Variants in BANP observed in about 807,000 individuals in gnomAD.
The protein encoded by BANP is BTG3 associated nuclear protein, also known as protein BANP.
A neutral mutation model predicts 68.1 loss-of-function variants in BANP; 11 were observed. The observed-to-expected ratio is 0.16, with a 90% CI of 0.10 to 0.27. The LOEUF (loss-of-function observed/expected upper bound fraction) is 0.27, where lower values mean the gene tolerates loss of function less well. BANP is among the 10% of genes least tolerant of loss of function. The pLI is 1.00. For missense variants in BANP, 504 were observed against 722.7 expected, an observed-to-expected ratio of 0.70 and a Z score of 3.47; for synonymous variants, 329 against 303.2, an observed-to-expected ratio of 1.09 and a Z score of -0.88.
Position 88,017,189 on chromosome 16 carries a change from G to C in BANP, c.656-1239G>C, listed in dbSNP as rs546547258. The C allele has an allele frequency of 1.6e-4, 24 of 152,372 alleles. 1 individual carries two copies. The East Asian group carries it at 4.6e-3, about 29-fold the overall frequency. The allele number at this position is 152,372 out of a possible 1,614,324, so 9.4% of individuals were successfully genotyped here. ...TAAAGCTCACAGACGTTCTGAGGCA[G>C]CGATGCCCAGGGTGGCATGACTGTA... is the stretch of plus-strand genomic sequence containing the variant. On this transcript the variant is annotated intron_variant, in intron 6 of 13. Coordinates refer to ENST00000682872, the MANE Select transcript of BANP (RefSeq NM_001386991.1).
chr16:87,983,026 C>G (rs11639873), intron 3 of BANP, among the ~76,000 whole-genome samples: 1 of 151,534 alleles, frequency 6.6e-6, no homozygotes, highest in African/African-American at 2.4e-5. Context: ...CTCCACGGCC[C>G]GCTCTCAGTG....
intron 2 of BANP, 41 bp downstream of exon 2, chr16:87,975,226 TA>T (rs1280025337): frequency 6.2e-7 from 1 of 1,603,532 alleles, no homozygotes; most frequent in Non-Finnish European, 8.5e-7. Context: ...TTATTCTCTT[TA>T]TTCTTCAAAA....
intron 6 of BANP, among the ~76,000 whole-genome samples, chr16:88,015,228 C>G (rs889185149): frequency 2.7e-5 from 4 of 149,198 alleles, no homozygotes; most frequent in African/African-American, 1.0e-4. Context: ...GTGCCCTCTG[C>G]CTGTGCCCCT....
At chr16:88,026,709 AG>A (rs753054841) in intron 7 of BANP, among the ~76,000 whole-genome samples, 29 of 150,286 alleles carry the variant, frequency 1.9e-4, no homozygotes, top group Non-Finnish European at 4.3e-4. Flanking sequence ...TGTGTTTATG[AG>A]GGGGACAGAG....
At chr16:88,053,630 T>C (rs1282582827) in intron 11 of BANP, among the ~76,000 whole-genome samples, 4 of 127,176 alleles carry the variant, frequency 3.1e-5, no homozygotes, top group Admixed American at 7.7e-5. Context: ...CCCACCTCCT[T>C]CACTATCATC....
At chr16:88,061,746 A>C (rs1427646245) in intron 11 of BANP, among the ~76,000 whole-genome samples, 4 of 151,272 alleles carry the variant, frequency 2.6e-5, no homozygotes, top group Non-Finnish European at 5.9e-5. Flanking sequence ...GCTCACCGCA[A>C]CCTCTGCCTC....
rs568871705 is a variant in BANP at position 87,983,300 on chromosome 16, G to A, written c.163-760G>A. On this transcript the variant is annotated intron_variant, in intron 3 of 13. Transcript: ENST00000682872. Reference sequence around the variant, plus strand: ...TTCTGTCTGCTGGTGAGACCTGGTGGAGGGTGTCTCTTTTGCACAGTGCAA... The same window carrying A: ...TTCTGTCTGCTGGTGAGACCTGGTGAAGGGTGTCTCTTTTGCACAGTGCAA... 3.9e-5 allele frequency among the ~76,000 whole-genome samples: 6 copies of A among 152,310 alleles called. No homozygotes were observed. In the East Asian group the frequency reaches 1.2e-3, roughly 29 times the overall value.
chr16:88,054,192 A>G lies in BANP; in HGVS notation c.1312-11075A>G, dbSNP rs560640395. On this transcript the variant is annotated intron_variant, in intron 11 of 13. Transcript: ENST00000682872. ...CCATCATCATCATCATCACCAACACAACCACCCTAACGACTACCACCCCCA... is the reference window on the plus strand; with the variant it reads ...CCATCATCATCATCATCACCAACACGACCACCCTAACGACTACCACCCCCA... 3.4e-3 allele frequency among the ~76,000 whole-genome samples: 248 copies of G among 73,634 alleles called. 5 individuals carry two copies. The highest frequency in any genetic ancestry group is 0.012 in the African/African-American group (236 of 20,118). 48.3% of individuals were successfully genotyped at this position (73,634 alleles called of 152,430 possible). A position where few individuals can be genotyped will look rare whatever the true frequency, so the allele number is the denominator to read the frequency against.
At chr16:88,075,066 C>A (rs1300427907) in intron 13 of BANP, among the ~76,000 whole-genome samples, 2 of 152,110 alleles carry the variant, frequency 1.3e-5, no homozygotes, top group Non-Finnish European at 2.9e-5. Context: ...TTAGCTGGGG[C>A]CGGGCACGGT....
At chr16:87,960,234 A>T (rs2058891830) in intron 1 of BANP, among the ~76,000 whole-genome samples, 1 of 152,202 alleles carries the variant, frequency 6.6e-6, no homozygotes, top group Non-Finnish European at 1.5e-5. Flanking sequence ...GTGCCCACGC[A>T]GTCAGGAGCT....
intron 2 of BANP, among the ~76,000 whole-genome samples, chr16:87,976,473 A>AGTTTTTTT (rs990701049): frequency 8.5e-4 from 25 of 29,430 alleles, no homozygotes; most frequent in Non-Finnish European, 1.2e-3. Context: ...TGTTTTAAAA[A>AGTTTTTTT]GTTTTTTTTT....
chr16:87,987,243 T>TA (rs1296092471), intron 4 of BANP, among the ~76,000 whole-genome samples: 1 of 152,124 alleles, frequency 6.6e-6, no homozygotes, highest in African/African-American at 2.4e-5. Flanking sequence ...GCCGCCTAGC[T>TA]AATTTTTGTA....
At chr16:87,992,213 C>A (rs1285032519) in intron 4 of BANP, among the ~76,000 whole-genome samples, 1 of 152,076 alleles carries the variant, frequency 6.6e-6, no homozygotes, top group East Asian at 1.9e-4. Flanking sequence ...ATAAACCTGA[C>A]TTCATCTACA....
chr16:88,017,015 T>C (rs1218859258), intron 6 of BANP, among the ~76,000 whole-genome samples: 1 of 152,180 alleles, frequency 6.6e-6, no homozygotes, highest in East Asian at 1.9e-4. Context: ...TTTCAGGGAA[T>C]GGGAGAGGCT....
chr16:88,070,246 C>T (rs2152914853), intron 12 of BANP, among the ~76,000 whole-genome samples: 1 of 152,260 alleles, frequency 6.6e-6, no homozygotes, highest in Admixed American at 6.5e-5. Context: ...ATGACTTCAG[C>T]TGCACAAGGG....
At chr16:88,023,499 G>T (rs1482949735) in intron 7 of BANP, among the ~76,000 whole-genome samples, 1 of 151,192 alleles carries the variant, frequency 6.6e-6, no homozygotes, top group Non-Finnish European at 1.5e-5. Flanking sequence ...CTGTCACGTC[G>T]AGTCTGTAAT....
intron 4 of BANP, among the ~76,000 whole-genome samples, chr16:87,984,491 C>T (rs117627664): frequency 6.6e-6 from 1 of 152,302 alleles, no homozygotes; most frequent in Non-Finnish European, 1.5e-5. Context: ...CACATAAAGC[C>T]GACCCATGCA....
rs1227138654 is a variant in BANP, at chr16:88,018,912, T to C, written c.895+245T>C. Among the ~76,000 whole-genome samples, 8 of 152,178 alleles carry C rather than the reference T, an allele frequency of 5.3e-5. No individual in the cohort carries two copies. Among genetic ancestry groups the C allele is most frequent in the Admixed American group, 5.2e-4 (8 of 15,286 alleles). On this transcript the variant is annotated intron_variant, in intron 7 of 13. Coordinates refer to ENST00000682872, the MANE Select transcript of BANP (RefSeq NM_001386991.1). The surrounding 1 kb of genome is among the most constrained non-coding windows in gnomAD (Gnocchi z 7.7). ...TATACCCCATCATATATATACCTAC[T>C]GTGTACCCTTAGAAGGTGAAAAACT... is the stretch of plus-strand genomic sequence containing the variant.
chr16:88,058,735 A>G (rs201103287), intron 11 of BANP, among the ~76,000 whole-genome samples: 3 of 151,454 alleles, frequency 2.0e-5, no homozygotes, highest in Admixed American at 6.6e-5. Flanking sequence ...TTAAGAAGCA[A>G]CTCGGACCCA....
Sources: allele counts gnomAD v4.1 joint callset (sites outside exome capture counted in the v4.1 genomes callset), GRCh38; gene constraint gnomAD v4.1.1; non-coding constraint Gnocchi (gnomAD v3.1); transcripts MANE v1.5; gene names NCBI Gene and HGNC (gene_info 2026-07-23, HGNC 2026-07-21).